EPN3: variants seen among roughly 807,000 people sequenced by gnomAD.
EPN3 encodes epsin 3.
EPN3 carries 56 observed loss-of-function variants against 55.5 expected under a neutral mutation model. The ratio of observed to expected loss-of-function variants is 1.01; its 90% CI spans 0.81 to 1.26. The LOEUF (loss-of-function observed/expected upper bound fraction) is 1.26, where lower values mean the gene tolerates loss of function less well. Ranked by LOEUF, EPN3 falls within the 50% of genes most tolerant of loss-of-function variation. The pLI, the probability that EPN3 is intolerant of heterozygous loss-of-function variation, is 0.00. For synonymous variants in EPN3, 449 were observed against 375.2 expected, an observed-to-expected ratio of 1.20 and a Z score of -2.27; for missense variants, 927 against 853.4, an observed-to-expected ratio of 1.09 and a Z score of -1.07.
At position 50,532,790 on chromosome 17, in the gene EPN3, C is replaced by T. The variant is rs578200746; in HGVS notation, c.-332C>T. The stretch of plus-strand genomic sequence containing the variant: ...AACGCACGCGGGAAGAGCTGCTACC[C>T]ATTCCAGGGACCCTGCCGCTGCCCC... On this transcript the variant is annotated 5_prime_UTR_variant, in exon 1 of 10. Transcript: ENST00000268933. 2.3e-6 allele frequency: 2 copies of T among 887,230 alleles called. No individual in the cohort carries two copies. Among genetic ancestry groups the T allele is most frequent in the African/African-American group, 1.8e-5 (1 of 55,238 alleles). 55.0% of individuals were successfully genotyped at this position (887,230 alleles called of 1,614,324 possible).
chr17:50,540,771 G>A (rs749916234), intron 6 of EPN3, 22 bp from the exon 7 acceptor site: 1 of 1,593,748 alleles, frequency 6.3e-7, no homozygotes, highest in South Asian at 1.1e-5. Flanking sequence ...CTGGGATCAT[G>A]TCTATGCTGT....
intron 5 of EPN3, 23 bp from the exon 6 acceptor site, chr17:50,540,224 G>T (rs199762067): frequency 4.4e-6 from 7 of 1,606,334 alleles, no homozygotes; most frequent in African/African-American, 4.0e-5. Context: ...CTTCTGAGCC[G>T]CGGCTGCCTC....
intron 1 of EPN3, chr17:50,534,492 A>G (rs1323917603): frequency 3.0e-6 from 3 of 985,246 alleles, no homozygotes; most frequent in African/African-American, 1.7e-5. Context: ...GGTGCACATT[A>G]TTTCCCATCT....
rs746481132 is a variant in EPN3 at position 50,541,295 on chromosome 17, A to G, written c.1316A>G (p.Glu439Gly). The G allele has an allele frequency of 4.3e-6, 7 of 1,613,094 alleles. No individual in the cohort carries two copies. The highest frequency in any genetic ancestry group is 5.9e-6 in the Non-Finnish European group (7 of 1,179,948). Residue 439 changes from glutamate to glycine, a missense_variant, in exon 8 of 10, where the codon GAG becomes GGG. Glu to Gly is a moderately conservative substitution (Grantham distance 98). Transcript: ENST00000268933. Reference protein sequence around the residue: ...PESTETKEGLEQALPSGKPSS... With the variant: ...PESTETKEGLGQALPSGKPSS... ...TCCACAGAGACCAAGGAGGGGCTGG[A>G]GCAGGCCCTGCCCTCTGGGAAGCCC...
chr17:50,539,273 G>A lies in EPN3; in HGVS notation c.849G>A (p.Glu283=). Residue 283 remains glutamate, a synonymous_variant, in exon 5 of 10, where the codon GAG becomes GAA. Coordinates refer to ENST00000268933, the MANE Select transcript of EPN3 (RefSeq NM_017957.3). The part of the protein sequence containing the change: ...VVHHQRDREP[E]REERKEEEKL... Reference sequence around the variant, plus strand: ...ACCATCAGCGGGACAGAGAGCCTGAGAGAGAAGAGAGAAAGGAGGAGGAGA... The same window carrying A: ...ACCATCAGCGGGACAGAGAGCCTGAAAGAGAAGAGAGAAAGGAGGAGGAGA... 1 of 1,614,218 alleles carries A rather than the reference G, an allele frequency of 6.2e-7. No homozygotes were observed.
At chr17:50,537,394 T>C in intron 2 of EPN3, 1 of 500,214 alleles carries the variant, frequency 2.0e-6, no homozygotes, top group Non-Finnish European at 3.6e-6. Context: ...CAGATAGCAT[T>C]CTATATTCTG....
At chr17:50,534,512 C>CA in intron 1 of EPN3, 1 of 985,476 alleles carries the variant, frequency 1.0e-6, no homozygotes, top group Non-Finnish European at 1.2e-6. Flanking sequence ...TTGACTCTGC[C>CA]ACCCCCAGCC....
intron 6 of EPN3, 72 bp from the exon 7 acceptor site, chr17:50,540,721 G>C (rs1473068796): frequency 2.0e-6 from 3 of 1,511,182 alleles, no homozygotes; most frequent in Non-Finnish European, 2.7e-6. Flanking sequence ...ACTTGGGCTG[G>C]GTAACTGGGA....
At chr17:50,541,186 C>A (rs2034843935) in intron 7 of EPN3, 43 bp from the exon 8 acceptor site, 2 of 1,610,920 alleles carry the variant, frequency 1.2e-6, no homozygotes, top group South Asian at 2.2e-5. Context: ...CCAACACCTG[C>A]CCTTTTTGTC....
chr17:50,539,269 C>T lies in EPN3; in HGVS notation c.845C>T (p.Pro282Leu). Reference sequence around the variant, plus strand: ...GTCCACCATCAGCGGGACAGAGAGCCTGAGAGAGAAGAGAGAAAGGAGGAG... The same window carrying T: ...GTCCACCATCAGCGGGACAGAGAGCTTGAGAGAGAAGAGAGAAAGGAGGAG... ...AVVHHQRDREPEREERKEEEK... is the reference protein window; with the variant it reads ...AVVHHQRDRELEREERKEEEK... The change falls in exon 5 of 10, where the codon CCT (proline) becomes CTT (leucine). Residue 282 changes from proline to leucine, a missense_variant. Transcript: ENST00000268933. 2 of 1,614,118 alleles carry T rather than the reference C, an allele frequency of 1.2e-6. No individual in the cohort carries two copies. Among genetic ancestry groups the T allele is most frequent in the Non-Finnish European group, 1.7e-6 (2 of 1,180,030 alleles).
At chr17:50,539,700 A>G (rs1177664425) in intron 5 of EPN3, among the ~76,000 whole-genome samples, 2 of 152,206 alleles carry the variant, frequency 1.3e-5, no homozygotes, top group Non-Finnish European at 2.9e-5. Flanking sequence ...GCCTAAGCAC[A>G]TGGTGCTGAA....
intron 1 of EPN3, 85 bp from the exon 2 acceptor site, chr17:50,536,336 G>C: frequency 8.4e-7 from 1 of 1,184,766 alleles, no homozygotes. Context: ...GGGACACTCT[G>C]GCCAGGCCTC....
intron 6 of EPN3, 73 bp from the exon 7 acceptor site, chr17:50,540,720 G>A: frequency 6.6e-7 from 1 of 1,509,770 alleles, no homozygotes. Context: ...AACTTGGGCT[G>A]GGTAACTGGG....
rs1287992034 is a variant in EPN3, at chr17:50,536,729, G to A, written c.173G>A (p.Gly58Asp). 3 of 1,614,150 alleles carry A rather than the reference G, an allele frequency of 1.9e-6. No homozygotes were observed. Among genetic ancestry groups the A allele is most frequent in the Admixed American group, 1.7e-5 (1 of 60,016 alleles). The change falls in exon 2 of 10, where the codon GGC becomes GAC. Residue 58 changes from glycine to aspartate, a missense_variant. Coordinates refer to ENST00000268933, the MANE Select transcript of EPN3 (RefSeq NM_017957.3). The part of the protein sequence containing the change: ...FNTVAFTEVM[G>D]MLWRRLNDSG... ...ACAGTGGCCTTCACCGAAGTCATGG[G>A]CATGCTGTGGCGGCGGCTCAATGAC...
In EPN3 at chr17:50,541,061, T is replaced by A. The variant is rs1165180596; in HGVS notation, c.1248T>A (p.Pro416=). ...WGASLETSDT[P]GGASTFDPFA... ...CCTCCCTGGAGACCTCCGACACACC[T>A]GGTAAGAAGAGGGCCAGAGAGTGTG... The change falls in exon 7 of 10, where the codon CCT becomes CCA. Residue 416 remains proline, a splice_region_variant and synonymous_variant. Transcript: ENST00000268933. The A allele has an allele frequency of 7.6e-6, 12 of 1,574,682 alleles. No individual in the cohort carries two copies. Among genetic ancestry groups the A allele is most frequent in the Non-Finnish European group, 1.0e-5 (12 of 1,161,628 alleles).
intron 2 of EPN3, chr17:50,537,464 T>C (rs544941168): frequency 8.8e-5 from 30 of 341,314 alleles, no homozygotes; most frequent in Non-Finnish European, 1.5e-4. Context: ...TCCTCATCTG[T>C]ACAGTGGGGA....
chr17:50,539,456 G>C, intron 5 of EPN3, 141 bp downstream of exon 5: 1 of 1,281,382 alleles, frequency 7.8e-7, no homozygotes, highest in Non-Finnish European at 1.1e-6. Flanking sequence ...GGGTGTAGCA[G>C]CCCTAGTCCC....
At position 50,534,721 on chromosome 17, in the gene EPN3, C is replaced by T. The variant is rs551825421; in HGVS notation, c.-136-1700C>T. 132 of 896,270 alleles carry T rather than the reference C, an allele frequency of 1.5e-4. 1 individual carries two copies. In the African/African-American group the frequency reaches 2.2e-3, roughly 15 times the overall value. The allele number at this position is 896,270 out of a possible 1,614,324, so 55.5% of individuals were successfully genotyped here. On this transcript the variant is annotated intron_variant, in intron 1 of 9. Coordinates refer to ENST00000268933, the MANE Select transcript of EPN3 (RefSeq NM_017957.3). ...CCACGGTATCTTATTCTCTGGGCCC[C>T]CAACAAAACCTGCCAAGGCATGTTT... is the stretch of plus-strand genomic sequence containing the variant.
At position 50,536,943 on chromosome 17, in the gene EPN3, G is replaced by A. The variant is rs1218700111; in HGVS notation, c.387G>A (p.Gln129=). 1 of 1,614,026 alleles carries A rather than the reference G, an allele frequency of 6.2e-7. No individual in the cohort carries two copies. Among genetic ancestry groups the A allele is most frequent in the Non-Finnish European group, 8.5e-7 (1 of 1,180,062 alleles). ...QGVNVREKVK[Q]VMALLKDEER... ...TCAACGTGCGCGAGAAGGTCAAGCA[G>A]GTGATGGCCCTGCTCAAGGATGAGG... Residue 129 remains glutamine, a synonymous_variant, in exon 2 of 10, where the codon CAG becomes CAA. Transcript: ENST00000268933.
Sources: allele counts gnomAD v4.1 joint callset (sites outside exome capture counted in the v4.1 genomes callset), GRCh38; gene constraint gnomAD v4.1.1; transcripts MANE v1.5; gene names NCBI Gene and HGNC (gene_info 2026-07-23, HGNC 2026-07-21).